The following METTL2B variants were observed in gnomAD, a reference collection of about 807,000 sequenced individuals.
METTL2B encodes methyltransferase 2B, tRNA N3-cytidine.
Under a neutral mutation model 51.0 loss-of-function variants are expected in METTL2B, and 28 were observed. The observed-to-expected ratio is 0.55, with a 90% CI of 0.41 to 0.75. The LOEUF (loss-of-function observed/expected upper bound fraction) is 0.75, where lower values mean the gene tolerates loss of function less well. Ranked by LOEUF, METTL2B falls within the 30% of genes least tolerant of loss-of-function variation. METTL2B has a pLI of 0.00. For missense variants in METTL2B, 313 were observed against 460.7 expected, an observed-to-expected ratio of 0.68 and a Z score of 2.93; for synonymous variants, 128 against 166.3, an observed-to-expected ratio of 0.77 and a Z score of 1.77.
At chr7:128,497,402 G>A (rs1434340009) in intron 6 of METTL2B, among the ~76,000 whole-genome samples, 1 of 152,226 alleles carries the variant, frequency 6.6e-6, no homozygotes, top group Non-Finnish European at 1.5e-5. Context: ...ATTCGGCTTA[G>A]CCACAGGAGC....
At chr7:128,496,035 T>TG (rs1792917496) in intron 6 of METTL2B, among the ~76,000 whole-genome samples, 1 of 152,138 alleles carries the variant, frequency 6.6e-6, no homozygotes, top group Non-Finnish European at 1.5e-5. Context: ...GACTAGAGAC[T>TG]GCAGGGACCA....
chr7:128,479,771 A>C (rs1799850174), intron 3 of METTL2B, among the ~76,000 whole-genome samples: 1 of 152,254 alleles, frequency 6.6e-6, no homozygotes, highest in Non-Finnish European at 1.5e-5. Flanking sequence ...TAATAGCATC[A>C]TGCTGTACCT....
chr7:128,501,929 G>C lies in METTL2B; in HGVS notation c.*13G>C. On this transcript the variant is annotated 3_prime_UTR_variant, in exon 9 of 9. Coordinates refer to ENST00000262432, the MANE Select transcript of METTL2B (RefSeq NM_018396.3). Reference sequence around the variant, plus strand: ...CAGCACCAGCTAAGAGGCACCTGCTGCCAACACGATGCAAGCCCGTTGTGT... The same window carrying C: ...CAGCACCAGCTAAGAGGCACCTGCTCCCAACACGATGCAAGCCCGTTGTGT... The C allele has an allele frequency of 4.3e-6, 7 of 1,613,622 alleles. No homozygotes were observed. The highest frequency in any genetic ancestry group is 5.1e-6 in the Non-Finnish European group (6 of 1,179,748).
chr7:128,488,584 G>A (rs558416762), intron 5 of METTL2B: 2 of 434,794 alleles, frequency 4.6e-6, no homozygotes, highest in African/African-American at 4.0e-5. Context: ...ATAAATGCAT[G>A]TGTTGTGACT....
intron 8 of METTL2B, chr7:128,501,555 A>C (rs1444135931): frequency 5.1e-6 from 5 of 985,286 alleles, no homozygotes; most frequent in South Asian, 4.7e-5. Context: ...GGTTTTTAAA[A>C]AAGAAAAAAC....
chr7:128,486,751 C>T (rs1392523150), intron 4 of METTL2B, among the ~76,000 whole-genome samples: 2 of 152,118 alleles, frequency 1.3e-5, no homozygotes, highest in Admixed American at 1.3e-4. Context: ...ATGGTGAAAC[C>T]CCGTCTCTAC....
chr7:128,487,825 A>G (rs1792744549), intron 4 of METTL2B, among the ~76,000 whole-genome samples: 1 of 151,956 alleles, frequency 6.6e-6, no homozygotes, highest in Admixed American at 6.6e-5. Context: ...TTTGAGGGAA[A>G]AGTAGGATTT....
chr7:128,480,823 G>A, intron 4 of METTL2B, 127 bp downstream of exon 4: 3 of 1,101,286 alleles, frequency 2.7e-6, no homozygotes, highest in South Asian at 1.7e-5. Flanking sequence ...GGCCAGGAGT[G>A]TGAGACCAGC....
intron 5 of METTL2B, among the ~76,000 whole-genome samples, chr7:128,489,850 G>A (rs1267149620): frequency 4.6e-5 from 7 of 151,476 alleles, no homozygotes; most frequent in South Asian, 2.1e-4. Context: ...GGATGGTCTC[G>A]ATCTCCTGAC....
intron 2 of METTL2B, 117 bp downstream of exon 2, chr7:128,477,290 T>A (rs763335491): frequency 2.0e-5 from 27 of 1,377,010 alleles, no homozygotes; most frequent in Non-Finnish European, 2.7e-5. Context: ...CTGATGCGGA[T>A]CTCAGGAGTA....
intron 4 of METTL2B, chr7:128,483,988 T>C (rs979781414): frequency 6.6e-6 from 1 of 152,036 alleles, no homozygotes. Flanking sequence ...CCTCCCAAAG[T>C]GCTGGGATTA....
At chr7:128,500,483 G>A (rs148450010) in intron 7 of METTL2B, among the ~76,000 whole-genome samples, 11 of 152,212 alleles carry the variant, frequency 7.2e-5, no homozygotes, top group Non-Finnish European at 1.3e-4. Flanking sequence ...TTAGCTGGGC[G>A]TGGTGGTGGG....
At chr7:128,498,997 CAAAA>C (rs57860093) in intron 7 of METTL2B, among the ~76,000 whole-genome samples, 1 of 109,876 alleles carries the variant, frequency 9.1e-6, no homozygotes, top group African/African-American at 3.8e-5. Flanking sequence ...AACTCTGTCT[CAAAA>C]AAAAAAAAAA....
At chr7:128,485,668 A>AC (rs1293762998) in intron 4 of METTL2B, among the ~76,000 whole-genome samples, 1 of 150,584 alleles carries the variant, frequency 6.6e-6, no homozygotes, top group Non-Finnish European at 1.5e-5. Context: ...TCCGTCTCAA[A>AC]AAAAAAAAAA....
At chr7:128,497,171 G>C (rs970214971) in intron 6 of METTL2B, among the ~76,000 whole-genome samples, 1 of 152,178 alleles carries the variant, frequency 6.6e-6, no homozygotes, top group Non-Finnish European at 1.5e-5. Context: ...CCTGCACCAA[G>C]ACTTTTGAAG....
intron 1 of METTL2B, 25 bp downstream of exon 1, chr7:128,476,900 G>A: frequency 6.2e-7 from 1 of 1,612,788 alleles, no homozygotes; most frequent in African/African-American, 1.3e-5. Flanking sequence ...CCCTCGCCCG[G>A]CCTGTCGCTG....
intron 2 of METTL2B, 74 bp from the exon 3 acceptor site, chr7:128,479,084 C>T: frequency 7.1e-7 from 1 of 1,410,530 alleles, no homozygotes; most frequent in East Asian, 2.4e-5. Flanking sequence ...TTTGGTAAAG[C>T]AGGATAATTG....
intron 2 of METTL2B, among the ~76,000 whole-genome samples, chr7:128,478,419 T>A (rs560850763): frequency 6.6e-6 from 1 of 151,616 alleles, no homozygotes; most frequent in African/African-American, 2.4e-5. Context: ...CCTGGCTAAT[T>A]TTTTGTATTT....
At chr7:128,492,806 C>T (rs138473310) in intron 5 of METTL2B, among the ~76,000 whole-genome samples, 2,370 of 151,786 alleles carry the variant, frequency 0.016, 32 homozygotes, top group South Asian at 0.056. Flanking sequence ...TTAGTGGAGA[C>T]GGGGTTTCAC....
Sources: allele counts gnomAD v4.1 joint callset (sites outside exome capture counted in the v4.1 genomes callset), GRCh38; gene constraint gnomAD v4.1.1; transcripts MANE v1.5; gene names NCBI Gene and HGNC (gene_info 2026-07-23, HGNC 2026-07-21).